Variants in ANKRD44 observed in about 807,000 individuals in gnomAD.
ANKRD44 encodes the protein serine/threonine-protein phosphatase 6 regulatory ankyrin repeat subunit B.
Under a neutral mutation model 116.0 loss-of-function variants are expected in ANKRD44, and 35 were observed. The ratio of observed to expected loss-of-function variants is 0.30; its 90% confidence interval spans 0.23 to 0.40. The LOEUF is 0.40. Among genes scored for constraint, ANKRD44 ranks in the 10% least tolerant of loss-of-function variants. The probability of loss-of-function intolerance (pLI) is 1.00; values close to 1 mark genes in which losing one functional copy is unlikely to be tolerated. For synonymous variants in ANKRD44, 435 were observed against 461.8 expected (o/e 0.94, Z 0.74); for missense variants, 1,014 against 1,242.6 (o/e 0.82, Z 2.77).
At chr2:197,138,691 G>A (rs995849438) in intron 3 of ANKRD44, among the ~76,000 whole-genome samples, 5 of 152,146 alleles carry the variant, frequency 3.3e-5, no homozygotes, top group Non-Finnish European at 7.3e-5. Context: ...ACCACATTGT[G>A]TGGTAGATTT....
chr2:197,240,060 T>C (rs1283775890), intron 1 of ANKRD44, among the ~76,000 whole-genome samples: 1 of 151,962 alleles, frequency 6.6e-6, no homozygotes, highest in Non-Finnish European at 1.5e-5. Flanking sequence ...TAGAAGAAAA[T>C]CTAGATATAA....
At chr2:197,275,569 G>C (rs140964411) in intron 1 of ANKRD44, among the ~76,000 whole-genome samples, 161 of 152,164 alleles carry the variant, frequency 1.1e-3, no homozygotes, top group Middle Eastern at 3.4e-3. Context: ...CACCATGTTG[G>C]GGGGGTGGGC....
chr2:197,141,665 G>GTT (rs1559098060), intron 3 of ANKRD44, among the ~76,000 whole-genome samples: 1 of 151,922 alleles, frequency 6.6e-6, no homozygotes, highest in Admixed American at 6.6e-5. Context: ...CAGTGTTTAA[G>GTT]TCCTCCATTC....
Position 197,008,902 on chromosome 2 carries a change from T to A in ANKRD44, c.2012+42A>T, listed in dbSNP as rs745936546. 5.1e-6 allele frequency: 8 copies of A among 1,560,650 alleles called. No individual in the cohort carries two copies. In the South Asian group the frequency reaches 8.9e-5, roughly 17 times the overall value. On this transcript the variant is annotated intron_variant, in intron 19 of 27. Transcript: ENST00000282272. ...TAAGAAACCAACCAGGTAGCTGCTG[T>A]GATTGAAATGTCAACCCAAGGCCAC...
intron 1 of ANKRD44, among the ~76,000 whole-genome samples, chr2:197,187,732 T>G (rs149869231): frequency 6.6e-6 from 1 of 152,082 alleles, no homozygotes; most frequent in African/African-American, 2.4e-5. Context: ...GGAAAGGCCA[T>G]GTGAAGACAC....
chr2:196,976,691 C>T (rs866896657), intron 21 of ANKRD44, among the ~76,000 whole-genome samples: 2 of 152,030 alleles, frequency 1.3e-5, no homozygotes, highest in South Asian at 2.1e-4. Context: ...CATGACAAAA[C>T]CCTATCGCCA....
At chr2:197,118,406 T>C (rs928480354) in intron 8 of ANKRD44, among the ~76,000 whole-genome samples, 3 of 151,084 alleles carry the variant, frequency 2.0e-5, no homozygotes, top group African/African-American at 7.3e-5. Context: ...CTGGCCAACA[T>C]GGCAAAAACC....
At chr2:197,150,841 C>T (rs1033498799) in intron 2 of ANKRD44, among the ~76,000 whole-genome samples, 6 of 152,010 alleles carry the variant, frequency 3.9e-5, no homozygotes, top group East Asian at 1.9e-4. Flanking sequence ...ACTAGAACTG[C>T]GACCTCCAAG....
chr2:197,038,570 T>C (rs2076850058), intron 16 of ANKRD44, among the ~76,000 whole-genome samples: 1 of 152,178 alleles, frequency 6.6e-6, no homozygotes, highest in Admixed American at 6.5e-5. Flanking sequence ...TAAAGAAGAT[T>C]CATCAAAATT....
intron 10 of ANKRD44, among the ~76,000 whole-genome samples, chr2:197,092,415 A>G (rs531552914): frequency 7.2e-5 from 11 of 152,184 alleles, no homozygotes; most frequent in Non-Finnish European, 1.6e-4. Context: ...TATTATGATG[A>G]TGTGTGTGTG....
chr2:197,234,318 AG>A (rs988402889), intron 1 of ANKRD44, among the ~76,000 whole-genome samples: 1 of 151,876 alleles, frequency 6.6e-6, no homozygotes, highest in Non-Finnish European at 1.5e-5. Flanking sequence ...CAGCCTCCAT[AG>A]TAGCCGGGAT....
chr2:197,025,139 T>G, intron 17 of ANKRD44, 57 bp downstream of exon 17: 2 of 1,511,540 alleles, frequency 1.3e-6, no homozygotes, highest in Non-Finnish European at 1.8e-6. Flanking sequence ...AATCTAGTTT[T>G]AGGAATGCTT....
In ANKRD44 at chr2:197,024,550, T is replaced by C. The variant is rs190429283; in HGVS notation, c.1722+646A>G. 1.9e-4 allele frequency among the ~76,000 whole-genome samples: 29 copies of C among 152,300 alleles called. 1 individual carries two copies. In the South Asian group the frequency reaches 4.6e-3, roughly 24 times the overall value. On this transcript the variant is annotated intron_variant, in intron 17 of 27. Coordinates refer to ENST00000282272, the MANE Select transcript of ANKRD44 (RefSeq NM_001195144.2). ...CACCTTGGTCACTCCCATGAAGAGTTTGGGGATCATCACTCTGAGCTGTTG... is the reference window on the plus strand; with the variant it reads ...CACCTTGGTCACTCCCATGAAGAGTCTGGGGATCATCACTCTGAGCTGTTG...
intron 1 of ANKRD44, among the ~76,000 whole-genome samples, chr2:197,204,754 A>G (rs1353792030): frequency 1.4e-4 from 21 of 152,232 alleles, no homozygotes. Flanking sequence ...AGCAAATTCT[A>G]GTTTATAAGA....
In ANKRD44 at chr2:197,203,091, C is replaced by G. The variant is rs1183956894; in HGVS notation, c.28-15985G>C. Reference sequence around the variant, plus strand: ...TGCAGCACTGAATCTGATTCTTCATCTCAATACCTTCGAAATCCTACTCCT... The same window carrying G: ...TGCAGCACTGAATCTGATTCTTCATGTCAATACCTTCGAAATCCTACTCCT... On this transcript the variant is annotated intron_variant, in intron 1 of 27. Transcript: ENST00000282272. This position sits in a 1 kb window ranked among gnomAD's most constrained non-coding sequence, Gnocchi z 4.1. 6.6e-6 allele frequency among the ~76,000 whole-genome samples: 1 copy of G among 152,128 alleles called. No individual in the cohort carries two copies.
chr2:197,146,617 T>C (rs911372102), intron 3 of ANKRD44, among the ~76,000 whole-genome samples: 2 of 152,112 alleles, frequency 1.3e-5, no homozygotes, highest in South Asian at 2.1e-4. Flanking sequence ...ATGTAGCATG[T>C]TTATGTAGTG....
chr2:196,980,027 T>C (rs1010949764), intron 21 of ANKRD44, among the ~76,000 whole-genome samples: 2 of 152,198 alleles, frequency 1.3e-5, no homozygotes, highest in African/African-American at 4.8e-5. Context: ...TATGTTCTTA[T>C]CTCTAGGAAC....
At chr2:197,076,057 C>G (rs2077659220) in intron 16 of ANKRD44, among the ~76,000 whole-genome samples, 1 of 152,142 alleles carries the variant, frequency 6.6e-6, no homozygotes, top group Non-Finnish European at 1.5e-5. Flanking sequence ...GCCAGAGGAC[C>G]ACACATACTC....
intron 17 of ANKRD44, among the ~76,000 whole-genome samples, chr2:197,019,617 T>G (rs146242308): frequency 6.6e-6 from 1 of 152,288 alleles, no homozygotes; most frequent in East Asian, 1.9e-4. Context: ...GCTGTGAGGC[T>G]TTTCACTAGT....
Sources: allele counts gnomAD v4.1 joint callset (sites outside exome capture counted in the v4.1 genomes callset), GRCh38; gene constraint gnomAD v4.1.1; non-coding constraint Gnocchi (gnomAD v3.1); transcripts MANE v1.5; gene names NCBI Gene and HGNC (gene_info 2026-07-23, HGNC 2026-07-21).